Variants in EIF4EBP1 observed in about 807,000 individuals in gnomAD.
EIF4EBP1 encodes the protein eukaryotic translation initiation factor 4E-binding protein 1.
In EIF4EBP1, 5 loss-of-function variants were observed where a neutral mutation model predicts 9.2. The observed-to-expected ratio is 0.54, with a 90% CI of 0.28 to 1.14. The LOEUF is 1.14. Ranked by LOEUF, EIF4EBP1 falls within the 50% of genes most tolerant of loss-of-function variation. EIF4EBP1 has a pLI of 0.09. For synonymous variants in EIF4EBP1, 62 were observed against 67.0 expected (o/e 0.93, Z 0.36); for missense variants, 139 against 169.6 (o/e 0.82, Z 1.00).
Position 38,039,889 on chromosome 8 carries a change from A to G in EIF4EBP1, c.145+9171A>G, listed in dbSNP as rs1809353253. 1.3e-5 allele frequency among the ~76,000 whole-genome samples: 2 copies of G among 151,440 alleles called. 1 individual carries two copies. The highest frequency in any genetic ancestry group is 4.2e-4 in the South Asian group (2 of 4,786). On this transcript the variant is annotated intron_variant, in intron 1 of 2. Coordinates refer to ENST00000338825, the MANE Select transcript of EIF4EBP1 (RefSeq NM_004095.4). ...AAAAAGCAAAAACAAAAAACTTTTA[A>G]CAGATAGGGCCTCACCTCTGTGGCC...
At chr8:38,031,656 C>T (rs1333966079) in intron 1 of EIF4EBP1, among the ~76,000 whole-genome samples, 3 of 152,216 alleles carry the variant, frequency 2.0e-5, no homozygotes, top group African/African-American at 7.2e-5. Flanking sequence ...TGGCGCTTGG[C>T]TAGGTGGCGG....
At chr8:38,049,017 C>T (rs1318255892) in intron 1 of EIF4EBP1, among the ~76,000 whole-genome samples, 2 of 148,586 alleles carry the variant, frequency 1.3e-5, no homozygotes, top group African/African-American at 2.5e-5. Context: ...CCCAGCTACT[C>T]GGGAGGCTGA....
chr8:38,047,450 A>T (rs1167625601), intron 1 of EIF4EBP1: 1 of 150,796 alleles, frequency 6.6e-6, no homozygotes, highest in African/African-American at 2.4e-5. Flanking sequence ...AATACAGTTC[A>T]TGGGAGTTAA....
At chr8:38,055,724 C>T (rs1419715461) in intron 1 of EIF4EBP1, among the ~76,000 whole-genome samples, 2 of 152,028 alleles carry the variant, frequency 1.3e-5, no homozygotes, top group Non-Finnish European at 2.9e-5. Context: ...GGGCCGGGCA[C>T]GGTGGCTCAC....
chr8:38,038,739 A>T (rs547661451), intron 1 of EIF4EBP1, among the ~76,000 whole-genome samples: 1 of 151,824 alleles, frequency 6.6e-6, no homozygotes, highest in Admixed American at 6.6e-5. Context: ...TGCTCTCGAG[A>T]TGCTCAGCAG....
Position 38,030,826 on chromosome 8 carries a change from G to C in EIF4EBP1, c.145+108G>C, listed in dbSNP as rs377428369. 1.8e-4 allele frequency: 236 copies of C among 1,348,064 alleles called. No individual in the cohort carries two copies. The African/African-American group carries it at 2.7e-3, about 15-fold the overall frequency. The allele number at this position is 1,348,064 out of a possible 1,614,324, so 83.5% of individuals were successfully genotyped here. ...GGCTCAAGGGCGCCGTGATTGGAAAGAACGGAAAAGGGGCATCGGAGAGAC... is the reference window on the plus strand; with the variant it reads ...GGCTCAAGGGCGCCGTGATTGGAAACAACGGAAAAGGGGCATCGGAGAGAC... On this transcript the variant is annotated intron_variant, in intron 1 of 2. Coordinates refer to ENST00000338825, the MANE Select transcript of EIF4EBP1 (RefSeq NM_004095.4).
At chr8:38,043,964 G>A (rs941762991) in intron 1 of EIF4EBP1, among the ~76,000 whole-genome samples, 1 of 152,068 alleles carries the variant, frequency 6.6e-6, no homozygotes, top group Non-Finnish European at 1.5e-5. Context: ...GGCGAGGAGG[G>A]AGGGAAGACC....
chr8:38,051,991 G>GT (rs1449024534), intron 1 of EIF4EBP1, among the ~76,000 whole-genome samples: 1 of 152,166 alleles, frequency 6.6e-6, no homozygotes, highest in African/African-American at 2.4e-5. Flanking sequence ...CTCCCAAACT[G>GT]TTGGGATTTA....
intron 2 of EIF4EBP1, among the ~76,000 whole-genome samples, chr8:38,058,381 T>C (rs1027525413): frequency 1.3e-5 from 2 of 152,102 alleles, no homozygotes; most frequent in African/African-American, 4.8e-5. Flanking sequence ...TATAACACTC[T>C]TGTGATAACT....
intron 1 of EIF4EBP1, among the ~76,000 whole-genome samples, chr8:38,031,809 CAG>C (rs1016501611): frequency 6.6e-5 from 10 of 152,346 alleles, no homozygotes; most frequent in African/African-American, 2.2e-4. Context: ...TCTTATTCTA[CAG>C]AGCCCGGCAT....
intron 1 of EIF4EBP1, among the ~76,000 whole-genome samples, chr8:38,056,496 T>C (rs146498305): frequency 1.1e-3 from 168 of 152,080 alleles, no homozygotes; most frequent in African/African-American, 3.9e-3. Flanking sequence ...TGAGGGGCTA[T>C]AGGGACAGAG....
intron 1 of EIF4EBP1, among the ~76,000 whole-genome samples, chr8:38,054,071 G>A (rs1809559818): frequency 6.6e-6 from 1 of 152,204 alleles, no homozygotes; most frequent in Non-Finnish European, 1.5e-5. Context: ...GACCTTTAAA[G>A]AGGCTCTCCA....
At position 38,050,040 on chromosome 8, in the gene EIF4EBP1, T is replaced by C. The variant is rs1809498905; in HGVS notation, c.146-7041T>C. On this transcript the variant is annotated intron_variant, in intron 1 of 2. Transcript: ENST00000338825. ...GGTTCTCGTGCCTCAGCCTCCTGAA[T>C]AGCTGGACTACAGGTGTGCACCACC... Among the ~76,000 whole-genome samples the C allele has an allele frequency of 3.3e-5, 5 of 152,002 alleles. No homozygotes were observed. The South Asian group carries it at 1.0e-3, about 31-fold the overall frequency.
intron 1 of EIF4EBP1, among the ~76,000 whole-genome samples, chr8:38,051,599 A>AT (rs905573947): frequency 1.2e-4 from 18 of 151,150 alleles, no homozygotes; most frequent in East Asian, 2.0e-4. Context: ...TTTTATTTAT[A>AT]TTTTTTTTTA....
chr8:38,038,457 G>A (rs1484695640), intron 1 of EIF4EBP1, among the ~76,000 whole-genome samples: 1 of 143,834 alleles, frequency 7.0e-6, no homozygotes, highest in Non-Finnish European at 1.5e-5. Flanking sequence ...GCAGTGAGCC[G>A]AGATCACGCC....
chr8:38,043,356 C>CT (rs1257332196), intron 1 of EIF4EBP1, among the ~76,000 whole-genome samples: 9 of 149,876 alleles, frequency 6.0e-5, no homozygotes, highest in African/African-American at 2.2e-4. Flanking sequence ...CTTTTCTTTT[C>CT]TTTTCTTTTT....
At position 38,055,762 on chromosome 8, in the gene EIF4EBP1, C is replaced by T. The variant is rs1034560558; in HGVS notation, c.146-1319C>T. 3.2e-4 allele frequency among the ~76,000 whole-genome samples: 49 copies of T among 152,008 alleles called. 2 individuals are homozygous for T. Among genetic ancestry groups the T allele is most frequent in the African/African-American group, 1.1e-3 (46 of 41,392 alleles). Reference sequence around the variant, plus strand: ...CTGTAATCCCAGCACTTTGGGAGGCCGAGGCAGGCAGATCACGAGGTCAAG... The same window carrying T: ...CTGTAATCCCAGCACTTTGGGAGGCTGAGGCAGGCAGATCACGAGGTCAAG... On this transcript the variant is annotated intron_variant, in intron 1 of 2. Coordinates refer to ENST00000338825, the MANE Select transcript of EIF4EBP1 (RefSeq NM_004095.4).
Position 38,046,757 on chromosome 8 carries a change from C to T in EIF4EBP1, c.146-10324C>T, listed in dbSNP as rs541622458. 2.0e-5 allele frequency among the ~76,000 whole-genome samples: 3 copies of T among 152,304 alleles called. No individual in the cohort carries two copies. The East Asian group carries it at 5.8e-4, about 29-fold the overall frequency. Reference sequence around the variant, plus strand: ...GAGGCACAAAGATTTTAAGTCATAACTTGCCCAGAGTCATGAGAGCTAGCA... The same window carrying T: ...GAGGCACAAAGATTTTAAGTCATAATTTGCCCAGAGTCATGAGAGCTAGCA... On this transcript the variant is annotated intron_variant, in intron 1 of 2. Transcript: ENST00000338825.
At chr8:38,035,304 G>A (rs1354557360) in intron 1 of EIF4EBP1, among the ~76,000 whole-genome samples, 1 of 151,394 alleles carries the variant, frequency 6.6e-6, no homozygotes, top group African/African-American at 2.4e-5. Context: ...TGCAACCTAC[G>A]CCTCCTGGGT....
Sources: gnomAD v4.1 joint callset for allele counts (sites outside exome capture counted in the v4.1 genomes callset) on GRCh38, gnomAD v4.1.1 for gene constraint, MANE v1.5 for transcripts, NCBI Gene and HGNC (gene_info 2026-07-23, HGNC 2026-07-21) for gene names.